RMDN2: variants seen among roughly 807,000 people sequenced by gnomAD.
The protein encoded by RMDN2 is regulator of microtubule dynamics protein 2.
RMDN2 carries 61 observed loss-of-function variants against 52.8 expected under a neutral mutation model. The observed-to-expected ratio is 1.16, with a 90% confidence interval of 0.94 to 1.43. The LOEUF is 1.43. Ranked by LOEUF, RMDN2 falls within the 40% of genes most tolerant of loss-of-function variation. RMDN2 has a pLI of 0.00. For missense variants in RMDN2, 592 were observed against 475.3 expected (o/e 1.25, Z -2.28); for synonymous variants, 180 against 153.1 (o/e 1.18, Z -1.30).
At chr2:38,044,934 C>G (rs969369523) in intron 10 of RMDN2, among the ~76,000 whole-genome samples, 1 of 152,054 alleles carries the variant, frequency 6.6e-6, no homozygotes, top group African/African-American at 2.4e-5. Context: ...TGGCAAGTGA[C>G]ACATCCAAAT....
At chr2:38,019,198 A>C (rs1558561400), downstream of RMDN2, among the ~76,000 whole-genome samples, 1 of 152,246 alleles carries the variant, frequency 6.6e-6, no homozygotes, top group Admixed American at 6.5e-5. Context: ...CAAATGACAT[A>C]GAATCAAGTA....
intron 2 of RMDN2, chr2:37,953,224 A>C (rs907361127): frequency 2.8e-4 from 43 of 152,138 alleles, no homozygotes; most frequent in African/African-American, 1.0e-3. Context: ...TAACCATTTT[A>C]AAATGTGTGT....
intron 2 of RMDN2, among the ~76,000 whole-genome samples, chr2:37,954,918 G>T (rs1176174986): frequency 6.6e-6 from 1 of 151,996 alleles, no homozygotes; most frequent in African/African-American, 2.4e-5. Context: ...CATCTCCTTA[G>T]TTAAGTTTAT....
At chr2:38,051,451 T>C (rs1310941229) in intron 10 of RMDN2, among the ~76,000 whole-genome samples, 1 of 152,228 alleles carries the variant, frequency 6.6e-6, no homozygotes, top group Non-Finnish European at 1.5e-5. Context: ...CATGTGATAT[T>C]CTGACACATA....
At chr2:37,949,406 C>T (rs533381482) in intron 2 of RMDN2, among the ~76,000 whole-genome samples, 4 of 152,244 alleles carry the variant, frequency 2.6e-5, no homozygotes, top group Non-Finnish European at 5.9e-5. Context: ...GGCAAGTGTC[C>T]TTGGGCCCTC....
intron 8 of RMDN2, among the ~76,000 whole-genome samples, chr2:38,002,641 A>C (rs972958778): frequency 6.6e-6 from 1 of 152,200 alleles, no homozygotes; most frequent in Admixed American, 6.5e-5. Context: ...TCAAAAGCCA[A>C]ATATCTGTTT....
chr2:38,004,618 A>T (rs1271753988), intron 10 of RMDN2, among the ~76,000 whole-genome samples: 1 of 151,610 alleles, frequency 6.6e-6, no homozygotes, highest in Non-Finnish European at 1.5e-5. Flanking sequence ...CTAGACCAAT[A>T]TCTCCCCATT....
downstream of RMDN2, chr2:38,017,828 G>C (rs1418267698): frequency 4.7e-6 from 1 of 214,592 alleles, no homozygotes; most frequent in African/African-American, 2.4e-5. Flanking sequence ...GGTGCAGGCA[G>C]ACTGAGTCCG....
Position 37,945,959 on chromosome 2 carries a change from C to T in RMDN2, c.452+16230C>T, listed in dbSNP as rs950133728. Among the ~76,000 whole-genome samples, 7 of 152,160 alleles carry T rather than the reference C, an allele frequency of 4.6e-5. 1 individual carries two copies. The highest frequency in any genetic ancestry group is 9.7e-5 in the African/African-American group (4 of 41,422). On this transcript the variant is annotated intron_variant, in intron 2 of 10. Transcript: ENST00000354545. ...AATACCTGCTGAATTCAGACTTGAC[C>T]TCTCAAGGTGAATACTCATGTATAA...
At chr2:37,977,166 A>G (rs1281428703) in intron 4 of RMDN2, among the ~76,000 whole-genome samples, 2 of 152,210 alleles carry the variant, frequency 1.3e-5, no homozygotes, top group Admixed American at 1.3e-4. Flanking sequence ...GGTTGGGGGT[A>G]AGGTTATAGA....
chr2:37,991,115 G>T, intron 6 of RMDN2, 105 bp from the exon 7 acceptor site: 1 of 491,838 alleles, frequency 2.0e-6, no homozygotes. Flanking sequence ...GGGGAGAACT[G>T]AGACAATATT....
intron 7 of RMDN2, 133 bp from the exon 8 acceptor site, chr2:37,997,283 T>C (rs569150098): frequency 8.0e-5 from 52 of 652,430 alleles, no homozygotes; most frequent in Non-Finnish European, 1.4e-4. Context: ...GGATATATGT[T>C]TTCATTTGTA....
At chr2:38,002,324 T>A (rs1217155966) in intron 8 of RMDN2, among the ~76,000 whole-genome samples, 1 of 152,210 alleles carries the variant, frequency 6.6e-6, no homozygotes, top group African/African-American at 2.4e-5. Context: ...GTTAATTGGT[T>A]ATTAGTAGTA....
chr2:37,997,294 T>C (rs144823637), intron 7 of RMDN2, 122 bp from the exon 8 acceptor site: 138 of 675,682 alleles, frequency 2.0e-4, no homozygotes, highest in Admixed American at 3.2e-4. Flanking sequence ...TTCATTTGTA[T>C]ATGTTATATC....
chr2:37,987,485 A>C (rs1307723838), intron 5 of RMDN2, among the ~76,000 whole-genome samples: 2 of 152,226 alleles, frequency 1.3e-5, no homozygotes, highest in African/African-American at 4.8e-5. Context: ...ATTCTGGGAA[A>C]GACCAAACTA....
chr2:38,050,277 G>A (rs1047958497), intron 10 of RMDN2, among the ~76,000 whole-genome samples: 2 of 151,178 alleles, frequency 1.3e-5, no homozygotes, highest in Non-Finnish European at 2.9e-5. Flanking sequence ...TATTTACCCT[G>A]CCTCATCCTT....
intron 10 of RMDN2, among the ~76,000 whole-genome samples, chr2:38,011,287 TCAG>T (rs1382307864): frequency 6.6e-6 from 1 of 152,238 alleles, no homozygotes; most frequent in Non-Finnish European, 1.5e-5. Flanking sequence ...GCCCTTTGAT[TCAG>T]TAAGTCAGGA....
intron 3 of RMDN2, 75 bp downstream of exon 3, chr2:37,974,289 A>T (rs1041852660): frequency 4.3e-6 from 4 of 938,730 alleles, no homozygotes; most frequent in Non-Finnish European, 6.0e-6. Flanking sequence ...AGTTATAACT[A>T]TAATAATTGT....
chr2:37,941,059 C>T lies in RMDN2; in HGVS notation c.452+11330C>T, dbSNP rs534668365. On this transcript the variant is annotated intron_variant, in intron 2 of 10. Transcript: ENST00000354545. ...TACCTTTGGTCTTTGTTGTTGGTGACGTTCTGATGGAGTTTTTGCGTGGTC... is the reference window on the plus strand; with the variant it reads ...TACCTTTGGTCTTTGTTGTTGGTGATGTTCTGATGGAGTTTTTGCGTGGTC... Among the ~76,000 whole-genome samples, 13 of 152,290 alleles carry T rather than the reference C, an allele frequency of 8.5e-5. No individual in the cohort carries two copies. In the East Asian group the frequency reaches 1.7e-3, roughly 20 times the overall value.
Sources: gnomAD v4.1 joint callset for allele counts (sites outside exome capture counted in the v4.1 genomes callset) on GRCh38, gnomAD v4.1.1 for gene constraint, MANE v1.5 for transcripts, NCBI Gene and HGNC (gene_info 2026-07-23, HGNC 2026-07-21) for gene names.